Variants in CARMIL3 observed in about 807,000 individuals in gnomAD.
The protein encoded by CARMIL3 is capping protein, Arp2/3 and myosin-I linker protein 3.
A neutral mutation model predicts 180.8 loss-of-function variants in CARMIL3; 88 were observed. That is an observed-to-expected ratio of 0.49 (90% CI 0.41 to 0.58). The LOEUF is 0.58. Ranked by LOEUF, CARMIL3 falls within the 20% of genes least tolerant of loss-of-function variation. The pLI, the probability that CARMIL3 is intolerant of heterozygous loss-of-function variation, is 0.00. For missense variants in CARMIL3, 1,548 were observed against 1,787.0 expected (o/e 0.87, Z 2.41); for synonymous variants, 696 against 714.5 (o/e 0.97, Z 0.41).
intron 33 of CARMIL3, 115 bp from the exon 34 acceptor site, chr14:24,065,507 G>A: frequency 9.0e-6 from 13 of 1,450,374 alleles, no homozygotes; most frequent in Non-Finnish European, 1.2e-5. Flanking sequence ...GGTCTCTGCA[G>A]GGCTTCCCCG....
At chr14:24,064,654 G>C (rs1033759489) in intron 32 of CARMIL3, among the ~76,000 whole-genome samples, 10 of 61,310 alleles carry the variant, frequency 1.6e-4, no homozygotes, top group South Asian at 1.0e-3. Context: ...TGAGAGGCCC[G>C]GGGGGTAGTG....
chr14:24,065,374 AG>A, intron 33 of CARMIL3, 101 bp downstream of exon 33: 2 of 1,227,048 alleles, frequency 1.6e-6, no homozygotes, highest in Non-Finnish European at 2.2e-6. Context: ...GCTAGGACCC[AG>A]GGTTCTTGGG....
rs2035653369 is a variant in CARMIL3, at chr14:24,054,567, C to T, written c.362+56C>T. 5.8e-6 allele frequency: 9 copies of T among 1,559,632 alleles called. No individual in the cohort carries two copies. In the South Asian group the frequency reaches 7.8e-5, roughly 14 times the overall value. On this transcript the variant is annotated intron_variant, in intron 5 of 39. Transcript: ENST00000342740. The surrounding 1 kb of genome is among the most constrained non-coding windows in gnomAD (Gnocchi z 5.1). ...ATTAGATGAGAGGGAGAGTTCATCC[C>T]TTCCTCCTTCCCCTGGGCCAGGGCT...
At position 24,060,811 on chromosome 14, in the gene CARMIL3, G is replaced by A. The variant is rs763189364; in HGVS notation, c.2190+55G>A. On this transcript the variant is annotated intron_variant, in intron 25 of 39. Coordinates refer to ENST00000342740, the MANE Select transcript of CARMIL3 (RefSeq NM_138360.4). ...GAAGTCTGGAGAACCCAAGAAGGCCGACCATGCTAAGCCATGACAGCCCTG... is the reference window on the plus strand; with the variant it reads ...GAAGTCTGGAGAACCCAAGAAGGCCAACCATGCTAAGCCATGACAGCCCTG... The A allele has an allele frequency of 6.9e-5, 109 of 1,589,768 alleles. No individual in the cohort carries two copies. In the Admixed American group the frequency reaches 8.7e-4, roughly 13 times the overall value.
rs1395363252 is a variant in CARMIL3, at chr14:24,059,100, CT to C, written c.1572-33del. On this transcript the variant is annotated intron_variant, in intron 19 of 39. Coordinates refer to ENST00000342740, the MANE Select transcript of CARMIL3 (RefSeq NM_138360.4). This position sits in a 1 kb window ranked among gnomAD's most constrained non-coding sequence, Gnocchi z 6.3. ...CTCCTCCAATAGCATGACCCCAGCC[CT>C]TCCCCTCCTACTCTGAGCCCCGCCT... is the stretch of plus-strand genomic sequence containing the variant. 6.3e-7 allele frequency: 1 copy of C among 1,586,688 alleles called. No individual in the cohort carries two copies. The highest frequency in any genetic ancestry group is 1.3e-5 in the African/African-American group (1 of 74,314).
In CARMIL3 at chr14:24,059,327, A is replaced by G; in HGVS notation, c.1684A>G (p.Ile562Val). 1 of 1,613,916 alleles carries G rather than the reference A, an allele frequency of 6.2e-7. No homozygotes were observed. The highest frequency in any genetic ancestry group is 8.5e-7 in the Non-Finnish European group (1 of 1,180,010). Residue 562 changes from isoleucine to valine, a missense_variant, in exon 21 of 40, where the codon ATC becomes GTC. By Grantham distance (29) the Ile-to-Val change is conservative (BLOSUM62 3). Transcript: ENST00000342740. The surrounding 1 kb of genome is among the most constrained non-coding windows in gnomAD (Gnocchi z 6.3). ...GCTGAAGCTTCGCACCAGCATCCTC[A>G]TCAATGCCCTGGGCAGCAACACCTG... ...SRLKLRTSIL[I>V]NALGSNTCLA...
Position 24,061,120 on chromosome 14 carries a change from C to T in CARMIL3, c.2304+80C>T, listed in dbSNP as rs2035728545. 1 of 1,304,234 alleles carries T rather than the reference C, an allele frequency of 7.7e-7. No homozygotes were observed. The highest frequency in any genetic ancestry group is 1.1e-6 in the Non-Finnish European group (1 of 931,294). The allele number at this position is 1,304,234 out of a possible 1,614,324, so 80.8% of individuals were successfully genotyped here. A position where few individuals can be genotyped will look rare whatever the true frequency, so the allele number is the denominator to read the frequency against. ...CCTAAGCCCAGAGCTAAAGTCAGAG[C>T]TGGGAGACTTCTGGAGGGCCAGGAG... On this transcript the variant is annotated intron_variant, in intron 26 of 39. Coordinates refer to ENST00000342740, the MANE Select transcript of CARMIL3 (RefSeq NM_138360.4). The surrounding 1 kb of genome is among the most constrained non-coding windows in gnomAD (Gnocchi z 4.1).
chr14:24,065,857 T>C lies in CARMIL3; in HGVS notation c.3525+107T>C. ...GTGGTTCAGTAGAGAAAGCAGATGC[T>C]TTGGCATTAGAAGATGTTAGCTGCT... On this transcript the variant is annotated intron_variant, in intron 34 of 39. Transcript: ENST00000342740. The C allele has an allele frequency of 2.7e-6, 4 of 1,484,044 alleles. No homozygotes were observed. The South Asian group carries it at 5.3e-5, about 20-fold the overall frequency. 91.9% of individuals were successfully genotyped at this position (1,484,044 alleles called of 1,614,324 possible). A position where few individuals can be genotyped will look rare whatever the true frequency, so the allele number is the denominator to read the frequency against.
chr14:24,063,002 T>C, intron 29 of CARMIL3, 118 bp from the exon 30 acceptor site: 1 of 1,540,570 alleles, frequency 6.5e-7, no homozygotes, highest in Non-Finnish European at 8.9e-7. Context: ...TCTTCCCTCA[T>C]CCCAGTGCCT....
At position 24,062,402 on chromosome 14, in the gene CARMIL3, C is replaced by T. The variant is rs1201745234; in HGVS notation, c.2481-78C>T. 13 of 1,321,226 alleles carry T rather than the reference C, an allele frequency of 9.8e-6. No individual in the cohort carries two copies. In the East Asian group the frequency reaches 2.8e-4, roughly 28 times the overall value. The allele number at this position is 1,321,226 out of a possible 1,614,324, so 81.8% of individuals were successfully genotyped here. On this transcript the variant is annotated intron_variant, in intron 27 of 39. Transcript: ENST00000342740. ...GCCAGCTGGCCGTTCTCTCAGGCTTCTGGGAGAGGGAGTGCCTCAGGGGCC... is the reference window on the plus strand; with the variant it reads ...GCCAGCTGGCCGTTCTCTCAGGCTTTTGGGAGAGGGAGTGCCTCAGGGGCC...
chr14:24,055,006 C>A, intron 6 of CARMIL3, 60 bp from the exon 7 acceptor site: 1 of 1,576,912 alleles, frequency 6.3e-7, no homozygotes, highest in Non-Finnish European at 8.7e-7. Context: ...TGTTCTTGAA[C>A]CCCAAGCCTA....
chr14:24,052,783 T>A (rs1423337923), intron 1 of CARMIL3, among the ~76,000 whole-genome samples: 3 of 152,144 alleles, frequency 2.0e-5, no homozygotes, highest in Admixed American at 6.5e-5. Flanking sequence ...CGTCCCAGCC[T>A]GCTTCCTTCT....
chr14:24,056,732 C>T, intron 12 of CARMIL3, 24 bp downstream of exon 12: 9 of 1,608,102 alleles, frequency 5.6e-6, no homozygotes, highest in Non-Finnish European at 7.6e-6. Flanking sequence ...GGACCCCTGA[C>T]CTCTGACCCT....
chr14:24,054,766 C>T lies in CARMIL3; in HGVS notation c.418C>T (p.Pro140Ser), dbSNP rs370361215. The part of the protein sequence containing the change: ...DTPEGPRDTS[P>S]NSETSTSTTH... ...CCCAGAGGGGCCCCGAGATACATCC[C>T]CCAACTCTGAGACTTCCACATCTAC... The change falls in exon 6 of 40, where the codon CCC becomes TCC. Residue 140 changes from proline to serine, a missense_variant. By Grantham distance (74) the Pro-to-Ser change is moderately conservative. Around this residue, in one of 4 missense-constraint regions of CARMIL3, gnomAD observed 578 missense variants for 666.5 expected, o/e 0.87. Coordinates refer to ENST00000342740, the MANE Select transcript of CARMIL3 (RefSeq NM_138360.4). The surrounding 1 kb of genome is among the most constrained non-coding windows in gnomAD (Gnocchi z 5.1). 55 of 1,614,032 alleles carry T rather than the reference C, an allele frequency of 3.4e-5. No homozygotes were observed. The highest frequency in any genetic ancestry group is 4.6e-5 in the Non-Finnish European group (54 of 1,180,016).
chr14:24,057,353 A>G lies in CARMIL3; in HGVS notation c.1140+109A>G, dbSNP rs551669720. 8.1e-5 allele frequency: 80 copies of G among 985,556 alleles called. No homozygotes were observed. In the African/African-American group the frequency reaches 1.1e-3, roughly 13 times the overall value. 61.1% of individuals were successfully genotyped at this position (985,556 alleles called of 1,614,324 possible). A position where few individuals can be genotyped will look rare whatever the true frequency, so the allele number is the denominator to read the frequency against. The stretch of plus-strand genomic sequence containing the variant: ...TACACAGGCGGGCAGAGCTGTCTAG[A>G]TGACTTCAGGTTCAGCTGAAGTATA... On this transcript the variant is annotated intron_variant, in intron 14 of 39. Coordinates refer to ENST00000342740, the MANE Select transcript of CARMIL3 (RefSeq NM_138360.4).
chr14:24,067,881 A>G (rs747272024), intron 36 of CARMIL3, among the ~76,000 whole-genome samples: 1 of 152,238 alleles, frequency 6.6e-6, no homozygotes, highest in Non-Finnish European at 1.5e-5. Flanking sequence ...AGACTTTCAG[A>G]CAGAGTTCTG....
Position 24,065,147 on chromosome 14 carries a change from G to C in CARMIL3, c.3270G>C (p.Glu1090Asp). 7.1e-7 allele frequency: 1 copy of C among 1,412,700 alleles called. No individual in the cohort carries two copies. Among genetic ancestry groups the C allele is most frequent in the South Asian group, 1.5e-5 (1 of 66,302 alleles). 87.5% of individuals were successfully genotyped at this position (1,412,700 alleles called of 1,614,324 possible). Residue 1090 changes from glutamate (E) to aspartate (D), a missense_variant, in exon 33 of 40, where the codon GAG (glutamate) becomes GAC (aspartate). Physicochemically the swap from Glu to Asp is conservative, Grantham distance 45. Coordinates refer to ENST00000342740, the MANE Select transcript of CARMIL3 (RefSeq NM_138360.4). ...CCCCACCCCCTCCCCCGACTCAGGAGAGCCCCCCTAGCCCAGACCCCCCAA... is the reference window on the plus strand; with the variant it reads ...CCCCACCCCCTCCCCCGACTCAGGACAGCCCCCCTAGCCCAGACCCCCCAA... Reference protein sequence around the residue: ...PPPPPPPPTQESPPSPDPPSL... With the variant: ...PPPPPPPPTQDSPPSPDPPSL...
chr14:24,069,404 A>T lies in CARMIL3; in HGVS notation c.4119A>T (p.Ter1373CysextTer51). ...PTGTSEPGTD[*>C] ...GAACCAGTGAGCCAGGAACAGACTG[A>T]CAACTGCCACAACACCCTCCTCAGC... Residue 1373 changes from the stop codon to cysteine (C), a stop_lost, in exon 40 of 40, where the codon TGA becomes TGT. Coordinates refer to ENST00000342740, the MANE Select transcript of CARMIL3 (RefSeq NM_138360.4). 1 of 1,614,100 alleles carries T rather than the reference A, an allele frequency of 6.2e-7. No homozygotes were observed. The highest frequency in any genetic ancestry group is 8.5e-7 in the Non-Finnish European group (1 of 1,179,998).
intron 10 of CARMIL3, 101 bp from the exon 11 acceptor site, chr14:24,056,198 A>T: frequency 1.1e-6 from 1 of 947,134 alleles, no homozygotes; most frequent in South Asian, 1.6e-5. Context: ...GCCTCTGACC[A>T]TGCAGCCCCA....
Sources: gnomAD v4.1 joint callset for allele counts (sites outside exome capture counted in the v4.1 genomes callset) on GRCh38, gnomAD v4.1.1 for gene constraint, gnomAD v4.1.1 regional missense constraint, Gnocchi (gnomAD v3.1) non-coding constraint, MANE v1.5 for transcripts, NCBI Gene and HGNC (gene_info 2026-07-23, HGNC 2026-07-21) for gene names.